COX7B2: variants seen among roughly 807,000 people sequenced by gnomAD.
COX7B2 encodes the protein cytochrome c oxidase subunit 7B2.
For synonymous variants in COX7B2, 37 were observed against 32.1 expected (o/e 1.15, Z -0.51); for missense variants, 109 against 95.9 (o/e 1.14, Z -0.57).
At chr4:46,903,179 A>G (rs1720170186) in intron 1 of COX7B2, among the ~76,000 whole-genome samples, 1 of 152,206 alleles carries the variant, frequency 6.6e-6, no homozygotes, top group South Asian at 2.1e-4. Flanking sequence ...TAACACTCAA[A>G]GAAATTAAAG....
At position 46,794,259 on chromosome 4, in the gene COX7B2, A is replaced by T. The variant is rs578017822; in HGVS notation, c.-50+50701T>A. 2.8e-4 allele frequency among the ~76,000 whole-genome samples: 43 copies of T among 152,336 alleles called. 1 individual carries two copies. Among genetic ancestry groups the T allele is most frequent in the African/African-American group, 8.9e-4 (37 of 41,580 alleles). On this transcript the variant is annotated intron_variant, in intron 2 of 2. Transcript: ENST00000355591. Reference sequence around the variant, plus strand: ...AAACAAGTTGGATTAGGATGAATATATTGACATGGACTCACAAAACAGAGA... The same window carrying T: ...AAACAAGTTGGATTAGGATGAATATTTTGACATGGACTCACAAAACAGAGA...
At chr4:46,754,500 G>T (rs1410096109) in intron 2 of COX7B2, among the ~76,000 whole-genome samples, 42 of 119,850 alleles carry the variant, frequency 3.5e-4, no homozygotes, top group African/African-American at 1.4e-3. Flanking sequence ...ACTCATAGTT[G>T]GGAACTGAAC....
chr4:46,855,619 T>C (rs897443859), intron 1 of COX7B2, among the ~76,000 whole-genome samples: 14 of 152,042 alleles, frequency 9.2e-5, no homozygotes, highest in African/African-American at 1.9e-4. Flanking sequence ...GATTTACAGA[T>C]TGACAAAAAA....
chr4:46,771,590 A>T (rs1450409862), intron 2 of COX7B2, among the ~76,000 whole-genome samples: 1 of 151,968 alleles, frequency 6.6e-6, no homozygotes, highest in Non-Finnish European at 1.5e-5. Context: ...AGTTTTGAGT[A>T]TCCCTAATCT....
At chr4:46,747,129 T>C (rs1394167329) in intron 2 of COX7B2, among the ~76,000 whole-genome samples, 1 of 152,070 alleles carries the variant, frequency 6.6e-6, no homozygotes, top group Non-Finnish European at 1.5e-5. Flanking sequence ...TGGGGGTTTG[T>C]TGTACAGATT....
chr4:46,856,726 G>A (rs1181899705), intron 1 of COX7B2, among the ~76,000 whole-genome samples: 1 of 152,182 alleles, frequency 6.6e-6, no homozygotes, highest in Non-Finnish European at 1.5e-5. Flanking sequence ...TAGAGGCAAA[G>A]AGGTATTTTT....
chr4:46,776,414 G>C (rs188094654), intron 2 of COX7B2, among the ~76,000 whole-genome samples: 20 of 151,884 alleles, frequency 1.3e-4, no homozygotes, highest in Non-Finnish European at 1.8e-4. Flanking sequence ...GTGTGTGTGT[G>C]TGTGTGTGTC....
intron 2 of COX7B2, among the ~76,000 whole-genome samples, chr4:46,824,354 A>G (rs76013329): frequency 0.042 from 6,412 of 152,190 alleles, 195 homozygotes; most frequent in Admixed American, 0.082. Flanking sequence ...ATCTGGCAAC[A>G]TACACATCTT....
chr4:46,765,241 G>A (rs2109492862), intron 2 of COX7B2, among the ~76,000 whole-genome samples: 1 of 152,272 alleles, frequency 6.6e-6, no homozygotes. Context: ...ACGCACTGAA[G>A]AGAGTAGGAA....
rs144110097 is a variant in COX7B2, at chr4:46,734,945, G to T, written c.*2C>A. 2.5e-6 allele frequency: 4 copies of T among 1,613,838 alleles called. No individual in the cohort carries two copies. Among genetic ancestry groups the T allele is most frequent in the Middle Eastern group, 1.6e-4 (1 of 6,080 alleles). On this transcript the variant is annotated 3_prime_UTR_variant, in exon 3 of 3. Transcript: ENST00000355591. ...ATTCTGTCATTACAGCAACTGTGATGGTTACTGATGTTTCCACTCTTTTGG... is the reference window on the plus strand; with the variant it reads ...ATTCTGTCATTACAGCAACTGTGATTGTTACTGATGTTTCCACTCTTTTGG...
intron 2 of COX7B2, among the ~76,000 whole-genome samples, chr4:46,809,171 A>G (rs2109655853): frequency 6.6e-6 from 1 of 151,872 alleles, no homozygotes; most frequent in East Asian, 1.9e-4. Flanking sequence ...ATTTGTTCTC[A>G]TTCATCTTTG....
At chr4:46,771,579 C>T (rs1449616474) in intron 2 of COX7B2, among the ~76,000 whole-genome samples, 1 of 151,830 alleles carries the variant, frequency 6.6e-6, no homozygotes, top group Non-Finnish European at 1.5e-5. Flanking sequence ...AGTTGCTTTA[C>T]AGTTTTGAGT....
chr4:46,840,566 T>C (rs982804434), intron 2 of COX7B2, among the ~76,000 whole-genome samples: 1 of 152,008 alleles, frequency 6.6e-6, no homozygotes, highest in Admixed American at 6.6e-5. Flanking sequence ...TAATGGCTGA[T>C]AGTAGGCATT....
intron 2 of COX7B2, among the ~76,000 whole-genome samples, chr4:46,807,622 C>G (rs1577728827): frequency 6.6e-6 from 1 of 151,784 alleles, no homozygotes; most frequent in Non-Finnish European, 1.5e-5. Context: ...ACATACTCTT[C>G]CAGGAGCTTT....
chr4:46,827,157 AC>A (rs1385628095), intron 2 of COX7B2, among the ~76,000 whole-genome samples: 2 of 152,106 alleles, frequency 1.3e-5, no homozygotes, highest in Non-Finnish European at 2.9e-5. Context: ...GAGAATAGAG[AC>A]AAAAAGTGAA....
chr4:46,781,642 C>T (rs973369140), intron 2 of COX7B2, among the ~76,000 whole-genome samples: 9 of 152,192 alleles, frequency 5.9e-5, no homozygotes, highest in Non-Finnish European at 1.2e-4. Flanking sequence ...TGGCTGAGGC[C>T]GGAGCTGGCT....
chr4:46,816,682 A>T (rs149784434), intron 2 of COX7B2, among the ~76,000 whole-genome samples: 89 of 152,346 alleles, frequency 5.8e-4, no homozygotes, highest in African/African-American at 1.8e-3. Context: ...CACAGGCAGA[A>T]AAACAATCTG....
chr4:46,750,167 C>T (rs1445712527), intron 2 of COX7B2, among the ~76,000 whole-genome samples: 1 of 146,122 alleles, frequency 6.8e-6, no homozygotes, highest in Non-Finnish European at 1.5e-5. Context: ...TAAAGACCAG[C>T]CTGGACAACA....
At chr4:46,735,503 C>A (rs535107396) in intron 2 of COX7B2, among the ~76,000 whole-genome samples, 3 of 152,274 alleles carry the variant, frequency 2.0e-5, no homozygotes, top group African/African-American at 7.2e-5. Flanking sequence ...TAAATGTTAG[C>A]TTTTCTACTC....
Sources: allele counts gnomAD v4.1 joint callset (sites outside exome capture counted in the v4.1 genomes callset), GRCh38; gene constraint gnomAD v4.1.1; transcripts MANE v1.5; gene names NCBI Gene and HGNC (gene_info 2026-07-23, HGNC 2026-07-21).